The following PKM variants were observed in gnomAD, a reference collection of about 807,000 sequenced individuals.
The protein encoded by PKM is pyruvate kinase PKM.
In PKM, 18 loss-of-function variants were observed where a neutral mutation model predicts 49.8. That is an observed-to-expected ratio of 0.36 (90% CI 0.25 to 0.54). PKM has a LOEUF of 0.54. Among genes scored for constraint, PKM ranks in the 20% least tolerant of loss-of-function variants. The pLI, the probability that PKM is intolerant of heterozygous loss-of-function variation, is 0.89. For synonymous variants in PKM, 239 were observed against 261.8 expected, an observed-to-expected ratio of 0.91 and a Z score of 0.84; for missense variants, 508 against 713.8, an observed-to-expected ratio of 0.71 and a Z score of 3.28.
chr15:72,200,482 A>G lies in PKM; in HGVS notation c.1481T>C (p.Met494Thr). Residue 494 changes from methionine to threonine, a missense_variant, in exon 10 of 11, where the codon ATG (methionine) becomes ACG (threonine). By Grantham distance (81) the Met-to-Thr change is moderately conservative. Transcript: ENST00000335181. The surrounding 1 kb of genome is among the most constrained non-coding windows in gnomAD (Gnocchi z 4.6). ...CTGCTCCAGCCACGTACCAACATTC[A>G]TGGCAAAGTTCACCCGGAGGTCCAC... ...EDVDLRVNFA[M>T]NVGKARGFFK... The G allele has an allele frequency of 6.2e-7, 1 of 1,613,156 alleles. No individual in the cohort carries two copies. The highest frequency in any genetic ancestry group is 8.5e-7 in the Non-Finnish European group (1 of 1,179,768).
chr15:72,209,584 G>A lies in PKM; in HGVS notation c.565+89C>T. 4.3e-6 allele frequency: 5 copies of A among 1,159,310 alleles called. No individual in the cohort carries two copies. In the South Asian group the frequency reaches 4.9e-5, roughly 11 times the overall value. The allele number at this position is 1,159,310 out of a possible 1,614,324, so 71.8% of individuals were successfully genotyped here. On this transcript the variant is annotated intron_variant, in intron 5 of 10. Coordinates refer to ENST00000335181, the MANE Select transcript of PKM (RefSeq NM_002654.6). ...ACACACAGACTCAATCTCACTGCCA[G>A]GCAACCAACCTTCCCATCTTCCTTG...
intron 8 of PKM, 122 bp downstream of exon 8, chr15:72,206,606 G>C: frequency 1.0e-6 from 1 of 980,930 alleles, no homozygotes; most frequent in South Asian, 1.4e-5. Flanking sequence ...GCTGTAACTT[G>C]GAGGATAATG....
intron 1 of PKM, chr15:72,228,760 C>G (rs1020471379): frequency 2.1e-5 from 10 of 479,334 alleles, no homozygotes; most frequent in Non-Finnish European, 3.6e-5. Context: ...AACGCTGCAG[C>G]AGGGGAGTCC....
chr15:72,218,861 T>C, intron 2 of PKM, 83 bp downstream of exon 2: 4 of 1,415,152 alleles, frequency 2.8e-6, no homozygotes, highest in South Asian at 1.2e-5. Context: ...CTAGGTTTGT[T>C]AGGACATTTA....
intron 1 of PKM, among the ~76,000 whole-genome samples, chr15:72,229,989 G>T (rs934232187): frequency 1.3e-5 from 2 of 152,132 alleles, no homozygotes; most frequent in Non-Finnish European, 2.9e-5. Flanking sequence ...CGAGGGCCAG[G>T]AGGCCCCAGC....
intron 6 of PKM, among the ~76,000 whole-genome samples, chr15:72,207,514 G>C (rs373766906): frequency 9.8e-5 from 15 of 152,286 alleles, no homozygotes; most frequent in African/African-American, 3.6e-4. Flanking sequence ...CTTCATTGAC[G>C]GAAGAAAGGG....
chr15:72,219,162 T>C, intron 1 of PKM, 52 bp from the exon 2 acceptor site: 1 of 1,526,908 alleles, frequency 6.5e-7, no homozygotes, highest in Admixed American at 1.7e-5. Context: ...GTGGTTAATA[T>C]ACCATTTAGC....
At chr15:72,230,958 C>T (rs1049417403) in intron 1 of PKM, 158 bp downstream of exon 1, 2 of 1,286,658 alleles carry the variant, frequency 1.6e-6, no homozygotes, top group East Asian at 5.6e-5. Context: ...GCGTGAGGAG[C>T]CGTTCTCCTC....
At chr15:72,224,724 G>A (rs2082615326) in intron 1 of PKM, among the ~76,000 whole-genome samples, 1 of 151,718 alleles carries the variant, frequency 6.6e-6, no homozygotes, top group Non-Finnish European at 1.5e-5. Context: ...TTAGCCAGGC[G>A]CGCACCTGTA....
rs774529400 is a variant in PKM, at chr15:72,208,938, G to A, written c.566-47C>T. 2.5e-6 allele frequency: 4 copies of A among 1,586,916 alleles called. No homozygotes were observed. The South Asian group carries it at 3.4e-5, about 13-fold the overall frequency. ...GGGGAGGCAGAGCACGAGGGCACAGGTCAACAGGAAGCAGGCACCTTTCCC... is the reference window on the plus strand; with the variant it reads ...GGGGAGGCAGAGCACGAGGGCACAGATCAACAGGAAGCAGGCACCTTTCCC... On this transcript the variant is annotated intron_variant, in intron 5 of 10. Coordinates refer to ENST00000335181, the MANE Select transcript of PKM (RefSeq NM_002654.6).
At chr15:72,212,348 A>G (rs2082275108) in intron 3 of PKM, among the ~76,000 whole-genome samples, 1 of 151,954 alleles carries the variant, frequency 6.6e-6, no homozygotes, top group Non-Finnish European at 1.5e-5. Context: ...GGTGGCGTGC[A>G]CCTGTAGTCC....
At chr15:72,219,285 G>C (rs533896410) in intron 1 of PKM, 175 bp from the exon 2 acceptor site, 18 of 599,650 alleles carry the variant, frequency 3.0e-5, no homozygotes, top group African/African-American at 7.4e-5. Flanking sequence ...TTAGAAAAAG[G>C]GTTCACCAGA....
intron 10 of PKM, 78 bp from the exon 11 acceptor site, chr15:72,199,834 G>C: frequency 2.2e-6 from 2 of 892,118 alleles, no homozygotes; most frequent in South Asian, 2.8e-5. Context: ...CCCATAGCCT[G>C]AGTACTGAAC....
chr15:72,229,629 C>T, intron 1 of PKM: 1 of 1,264,062 alleles, frequency 7.9e-7, no homozygotes, highest in Non-Finnish European at 1.0e-6. Flanking sequence ...CCTGGTGAGA[C>T]CTTACGAGGC....
In PKM at chr15:72,199,232, TG is replaced by T; in HGVS notation, c.*417del. On this transcript the variant is annotated 3_prime_UTR_variant, in exon 11 of 11. Coordinates refer to ENST00000335181, the MANE Select transcript of PKM (RefSeq NM_002654.6). ...GGGCCAGGGCCAGAGTCGGCTTCAATGGAACAACAGCCCAGTGCCCTAAGGC... is the reference window on the plus strand; with the variant it reads ...GGGCCAGGGCCAGAGTCGGCTTCAATGAACAACAGCCCAGTGCCCTAAGGC... 3 of 363,270 alleles carry T rather than the reference TG, an allele frequency of 8.3e-6. No homozygotes were observed. Among genetic ancestry groups the T allele is most frequent in the Non-Finnish European group, 1.6e-5 (3 of 184,690 alleles). The allele number at this position is 363,270 out of a possible 1,614,324, so 22.5% of individuals were successfully genotyped here.
At chr15:72,208,054 C>G (rs2082132020) in intron 6 of PKM, among the ~76,000 whole-genome samples, 1 of 152,188 alleles carries the variant, frequency 6.6e-6, no homozygotes, top group Non-Finnish European at 1.5e-5. Flanking sequence ...TTGGGGCAAT[C>G]TGAAACTGGA....
chr15:72,224,721 G>A (rs2082615123), intron 1 of PKM, among the ~76,000 whole-genome samples: 1 of 151,856 alleles, frequency 6.6e-6, no homozygotes, highest in Admixed American at 6.6e-5. Flanking sequence ...AAATTAGCCA[G>A]GCGCGCACCT....
chr15:72,206,653 G>A lies in PKM; in HGVS notation c.1140+75C>T. 4 of 1,433,052 alleles carry A rather than the reference G, an allele frequency of 2.8e-6. No individual in the cohort carries two copies. In the Admixed American group the frequency reaches 5.0e-5, roughly 18 times the overall value. 88.8% of individuals were successfully genotyped at this position (1,433,052 alleles called of 1,614,324 possible). On this transcript the variant is annotated intron_variant, in intron 8 of 10. Transcript: ENST00000335181. Reference sequence around the variant, plus strand: ...ATAAGAGGATGGAGAAACCTAAAAAGCTCTGCACCAGAGCTTGCATCCATC... The same window carrying A: ...ATAAGAGGATGGAGAAACCTAAAAAACTCTGCACCAGAGCTTGCATCCATC...
chr15:72,199,398 C>T lies in PKM; in HGVS notation c.*252G>A, dbSNP rs1305392540. The stretch of plus-strand genomic sequence containing the variant: ...TCTTGCCATCTGGCTCCAGGGGCCT[C>T]CAGTCCAGCATTCCTCCTTCTTCCC... On this transcript the variant is annotated 3_prime_UTR_variant, in exon 11 of 11. Transcript: ENST00000335181. 2 of 673,676 alleles carry T rather than the reference C, an allele frequency of 3.0e-6. No homozygotes were observed. Among genetic ancestry groups the T allele is most frequent in the East Asian group, 5.7e-5 (2 of 34,856 alleles). 41.7% of individuals were successfully genotyped at this position (673,676 alleles called of 1,614,324 possible). A position where few individuals can be genotyped will look rare whatever the true frequency, so the allele number is the denominator to read the frequency against.
Sources: gnomAD v4.1 joint callset for allele counts (sites outside exome capture counted in the v4.1 genomes callset) on GRCh38, gnomAD v4.1.1 for gene constraint, Gnocchi (gnomAD v3.1) non-coding constraint, MANE v1.5 for transcripts, NCBI Gene and HGNC (gene_info 2026-07-23, HGNC 2026-07-21) for gene names.